The following CDH2 variants were observed in gnomAD, a reference collection of about 807,000 sequenced individuals.
The protein encoded by CDH2 is cadherin 2.
CDH2 carries 17 observed loss-of-function variants against 92.0 expected under a neutral mutation model. That is an observed-to-expected ratio of 0.18 (90% CI 0.13 to 0.28). The LOEUF is 0.28. Among genes scored for constraint, CDH2 ranks in the 10% least tolerant of loss-of-function variants. The pLI is 1.00. For synonymous variants in CDH2, 419 were observed against 415.9 expected (o/e 1.01, Z -0.09); for missense variants, 862 against 1,133.1 (o/e 0.76, Z 3.44).
At chr18:28,024,017 C>A (rs11564330) in intron 2 of CDH2, among the ~76,000 whole-genome samples, 1 of 152,028 alleles carries the variant, frequency 6.6e-6, no homozygotes, top group South Asian at 2.1e-4. Context: ...TAAAAGATGG[C>A]TTTTAAAACT....
intron 2 of CDH2, among the ~76,000 whole-genome samples, chr18:28,102,920 A>G (rs1002892817): frequency 6.6e-6 from 1 of 151,972 alleles, no homozygotes; most frequent in African/African-American, 2.4e-5. Context: ...ATTATGAAAA[A>G]AAAAATTAGG....
intron 14 of CDH2, among the ~76,000 whole-genome samples, chr18:27,980,477 G>A (rs1336560939): frequency 1.3e-5 from 2 of 152,184 alleles, no homozygotes; most frequent in African/African-American, 4.8e-5. Context: ...AGAGGAGAAA[G>A]AGCCTTGGTG....
At chr18:27,965,840 C>T (rs560884859) in intron 14 of CDH2, among the ~76,000 whole-genome samples, 57 of 151,528 alleles carry the variant, frequency 3.8e-4, no homozygotes, top group African/African-American at 1.3e-3. Context: ...AAAAATCAGC[C>T]GGATGTGGTG....
intron 2 of CDH2, among the ~76,000 whole-genome samples, chr18:28,133,488 A>G (rs1405408593): frequency 6.7e-6 from 1 of 148,912 alleles, no homozygotes; most frequent in Non-Finnish European, 1.5e-5. Context: ...AGGCTGAGGC[A>G]GGAGAATCGC....
At position 27,993,569 on chromosome 18, in the gene CDH2, T is replaced by C; in HGVS notation, c.1089A>G (p.Ser363=). 1 of 1,614,138 alleles carries C rather than the reference T, an allele frequency of 6.2e-7. No individual in the cohort carries two copies. The highest frequency in any genetic ancestry group is 2.2e-5 in the East Asian group (1 of 44,886). The part of the protein sequence containing the change: ...DMEGNPTYGL[S]NTATAVITVT... ...CTGTGATGACGGCCGTGGCTGTGTT[T>C]GAAAGGCCATATGTGGGATTGCCTT... Residue 363 remains serine (S), a synonymous_variant, in exon 8 of 16, where the codon TCA becomes TCG. Transcript: ENST00000269141.
chr18:28,110,140 G>T (rs985109115), intron 2 of CDH2, among the ~76,000 whole-genome samples: 1 of 152,176 alleles, frequency 6.6e-6, no homozygotes, highest in Non-Finnish European at 1.5e-5. Context: ...CATGAAATGA[G>T]AACACACTCA....
At chr18:28,081,412 A>ATC (rs1336327894) in intron 2 of CDH2, among the ~76,000 whole-genome samples, 1 of 152,192 alleles carries the variant, frequency 6.6e-6, no homozygotes. Flanking sequence ...TTAAAAAAAC[A>ATC]GACTGATAGC....
chr18:28,146,735 A>G (rs1269287433), intron 2 of CDH2: 2 of 152,108 alleles, frequency 1.3e-5, no homozygotes. Flanking sequence ...AGACACTTCA[A>G]TTAAGGCTGT....
chr18:28,170,999 C>A (rs2016456705), intron 1 of CDH2, among the ~76,000 whole-genome samples: 1 of 151,474 alleles, frequency 6.6e-6, no homozygotes, highest in African/African-American at 2.4e-5. Flanking sequence ...GAGGCCGAGG[C>A]AGGCGGATTC....
At chr18:28,040,448 C>G (rs1285708736) in intron 2 of CDH2, among the ~76,000 whole-genome samples, 1 of 152,092 alleles carries the variant, frequency 6.6e-6, no homozygotes, top group Non-Finnish European at 1.5e-5. Flanking sequence ...ATTCCATGAA[C>G]AGACAATGTT....
intron 1 of CDH2, among the ~76,000 whole-genome samples, chr18:28,162,519 T>C (rs1309001226): frequency 6.6e-6 from 1 of 152,088 alleles, no homozygotes; most frequent in Non-Finnish European, 1.5e-5. Flanking sequence ...AACTGCCTGC[T>C]TCTTTGGTAG....
intron 2 of CDH2, among the ~76,000 whole-genome samples, chr18:28,022,505 A>G (rs2013438687): frequency 6.6e-6 from 1 of 152,066 alleles, no homozygotes; most frequent in Non-Finnish European, 1.5e-5. Flanking sequence ...ATTACTATCA[A>G]CGAAAACTTT....
intron 2 of CDH2, among the ~76,000 whole-genome samples, chr18:28,081,631 T>C (rs1484253230): frequency 6.6e-6 from 1 of 152,236 alleles, no homozygotes; most frequent in African/African-American, 2.4e-5. Flanking sequence ...ACTTGTATTA[T>C]TCCACTTATG....
chr18:27,983,116 T>C (rs1244514406), intron 13 of CDH2, 33 bp from the exon 14 acceptor site: 3 of 1,566,298 alleles, frequency 1.9e-6, no homozygotes, highest in African/African-American at 1.4e-5. Flanking sequence ...TACATAATAT[T>C]GTCATTTTTA....
At chr18:28,051,773 G>A (rs1198398365) in intron 2 of CDH2, among the ~76,000 whole-genome samples, 1 of 152,056 alleles carries the variant, frequency 6.6e-6, no homozygotes, top group Admixed American at 6.6e-5. Context: ...ACTCCTGAAT[G>A]TGCTAAAGTG....
chr18:27,993,411 C>A, intron 8 of CDH2, 89 bp downstream of exon 8: 1 of 1,322,020 alleles, frequency 7.6e-7, no homozygotes, highest in South Asian at 1.5e-5. Flanking sequence ...GCAAGTTCCA[C>A]CTCTATTTAA....
chr18:28,038,691 T>C (rs763187296), intron 2 of CDH2, among the ~76,000 whole-genome samples: 2 of 152,096 alleles, frequency 1.3e-5, no homozygotes, highest in Non-Finnish European at 1.5e-5. Context: ...CCATCTTGTA[T>C]GCAGACATCT....
chr18:28,140,912 CTA>C (rs764490634), intron 2 of CDH2, among the ~76,000 whole-genome samples: 7 of 131,016 alleles, frequency 5.3e-5, no homozygotes, highest in African/African-American at 8.6e-5. Context: ...ATATATATAC[CTA>C]TATATATATA....
chr18:28,009,564 C>T (rs1394197783), intron 5 of CDH2, among the ~76,000 whole-genome samples, 153 bp downstream of exon 5: 1 of 152,110 alleles, frequency 6.6e-6, no homozygotes, highest in Admixed American at 6.5e-5. Context: ...TCTATAAAAA[C>T]AATAACATTA....
Sources: gnomAD v4.1 joint callset for allele counts (sites outside exome capture counted in the v4.1 genomes callset) on GRCh38, gnomAD v4.1.1 for gene constraint, MANE v1.5 for transcripts, NCBI Gene and HGNC (gene_info 2026-07-23, HGNC 2026-07-21) for gene names.